EPHA6: variants seen among roughly 807,000 people sequenced by gnomAD.
The protein encoded by EPHA6 is EPH receptor A6.
EPHA6 carries 50 observed loss-of-function variants against 112.0 expected under a neutral mutation model. The observed-to-expected ratio is 0.45, with a 90% CI of 0.36 to 0.56. The LOEUF (loss-of-function observed/expected upper bound fraction) is 0.56, where lower values mean the gene tolerates loss of function less well. Among genes scored for constraint, EPHA6 ranks in the 20% least tolerant of loss-of-function variants. The pLI is 0.00. For synonymous variants in EPHA6, 529 were observed against 490.7 expected, an observed-to-expected ratio of 1.08 and a Z score of -1.03; for missense variants, 1,280 against 1,417.4, an observed-to-expected ratio of 0.90 and a Z score of 1.56.
rs894431982 is a variant in EPHA6, at chr3:97,486,200, C to T, written c.2200+2141C>T. 3.3e-5 allele frequency among the ~76,000 whole-genome samples: 5 copies of T among 152,078 alleles called. No individual in the cohort carries two copies. In the East Asian group the frequency reaches 9.6e-4, roughly 29 times the overall value. The stretch of plus-strand genomic sequence containing the variant: ...TTTGGCAAAGACAGATTATCTAAAC[C>T]ATGTAGTTATTCCTATAGATTGGGG... On this transcript the variant is annotated intron_variant, in intron 10 of 17. Coordinates refer to ENST00000389672, the MANE Select transcript of EPHA6 (RefSeq NM_001080448.3).
At chr3:97,032,512 A>C (rs1354182297) in intron 3 of EPHA6, among the ~76,000 whole-genome samples, 1 of 152,010 alleles carries the variant, frequency 6.6e-6, no homozygotes, top group Non-Finnish European at 1.5e-5. Context: ...CTAGATCCAA[A>C]TATGAGTCAC....
chr3:97,457,700 C>T (rs1362371522), intron 7 of EPHA6, among the ~76,000 whole-genome samples: 1 of 151,982 alleles, frequency 6.6e-6, no homozygotes, highest in East Asian at 1.9e-4. Context: ...ACCATAAAGT[C>T]ACAATACTGA....
intron 12 of EPHA6, among the ~76,000 whole-genome samples, chr3:97,599,179 C>T (rs1252380978): frequency 4.0e-5 from 6 of 150,698 alleles, no homozygotes; most frequent in East Asian, 3.9e-4. Flanking sequence ...CTTTGTCAGA[C>T]GAGTAGGTTG....
rs555712621 is a variant in EPHA6 at position 97,009,875 on chromosome 3, C to T, written c.1114+21882C>T. 2.2e-4 allele frequency: 90 copies of T among 413,468 alleles called. 5 individuals carry two copies. The highest frequency in any genetic ancestry group is 1.5e-3 in the South Asian group (87 of 56,282). The allele number at this position is 413,468 out of a possible 1,614,324, so 25.6% of individuals were successfully genotyped here. On this transcript the variant is annotated intron_variant, in intron 3 of 17. Transcript: ENST00000389672. ...CTTGTGGCTCTCAGGTAGGCCACCACACCACTCTGCTCTTCCTTCTCTCCA... is the reference window on the plus strand; with the variant it reads ...CTTGTGGCTCTCAGGTAGGCCACCATACCACTCTGCTCTTCCTTCTCTCCA...
intron 1 of EPHA6, among the ~76,000 whole-genome samples, chr3:96,830,303 C>T (rs951396135): frequency 4.6e-5 from 7 of 152,040 alleles, no homozygotes; most frequent in African/African-American, 1.7e-4. Context: ...ATTCAGTAGT[C>T]TTTCTCACTA....
chr3:97,096,624 GA>G (rs2047247708), intron 3 of EPHA6, among the ~76,000 whole-genome samples: 1 of 151,748 alleles, frequency 6.6e-6, no homozygotes, highest in Admixed American at 6.6e-5. Context: ...AGACATGGGA[GA>G]AAAAAGTCAG....
intron 1 of EPHA6, among the ~76,000 whole-genome samples, chr3:96,824,994 A>G (rs570142323): frequency 2.1e-4 from 32 of 152,108 alleles, no homozygotes; most frequent in African/African-American, 7.2e-4. Flanking sequence ...TAAACTTTAC[A>G]TACAAATAAG....
rs190579399 is a variant in EPHA6, at chr3:97,498,650, T to C, written c.2200+14591T>C. On this transcript the variant is annotated intron_variant, in intron 10 of 17. Transcript: ENST00000389672. Reference sequence around the variant, plus strand: ...GTACTGGAGATCAGTGGTTCCTTTTTCCTTTACTCTATAACAGTGGTCCTC... The same window carrying C: ...GTACTGGAGATCAGTGGTTCCTTTTCCCTTTACTCTATAACAGTGGTCCTC... Among the ~76,000 whole-genome samples, 520 of 152,300 alleles carry C rather than the reference T, an allele frequency of 3.4e-3. 3 individuals are homozygous for C. The highest frequency in any genetic ancestry group is 0.012 in the African/African-American group (493 of 41,550).
intron 12 of EPHA6, among the ~76,000 whole-genome samples, chr3:97,593,895 A>C (rs1007939036): frequency 1.3e-5 from 2 of 152,168 alleles, no homozygotes; most frequent in Admixed American, 1.3e-4. Context: ...AAAGATTGTA[A>C]ATTTTCACTT....
intron 14 of EPHA6, among the ~76,000 whole-genome samples, chr3:97,641,865 G>C (rs2094009266): frequency 6.6e-6 from 1 of 151,906 alleles, no homozygotes; most frequent in African/African-American, 2.4e-5. Context: ...GCTGGGGGAG[G>C]GGCGCCCGCC....
intron 14 of EPHA6, among the ~76,000 whole-genome samples, chr3:97,710,778 T>C (rs1436788182): frequency 6.6e-6 from 1 of 152,198 alleles, no homozygotes; most frequent in Non-Finnish European, 1.5e-5. Flanking sequence ...ATGCTGCTTG[T>C]CCAAAACAAG....
chr3:97,590,748 TTTG>T (rs1271863956), intron 11 of EPHA6, among the ~76,000 whole-genome samples: 4 of 152,200 alleles, frequency 2.6e-5, no homozygotes. Context: ...AAAATCTGCA[TTTG>T]TTGTCATTAT....
At chr3:96,931,541 C>G (rs938773299) in intron 2 of EPHA6, among the ~76,000 whole-genome samples, 1 of 152,208 alleles carries the variant, frequency 6.6e-6, no homozygotes, top group Non-Finnish European at 1.5e-5. Flanking sequence ...CAGGGTCCCA[C>G]TTAAAGAAGC....
In EPHA6 at chr3:97,165,773, C is replaced by T. The variant is rs1326348106; in HGVS notation, c.1115-60491C>T. On this transcript the variant is annotated intron_variant, in intron 3 of 17. Transcript: ENST00000389672. Reference sequence around the variant, plus strand: ...AAAGTAGAAGAGGTAAGGAGCTTCTCCATATGGGAAGTAGAAGTAAATAAA... The same window carrying T: ...AAAGTAGAAGAGGTAAGGAGCTTCTTCATATGGGAAGTAGAAGTAAATAAA... 3.3e-5 allele frequency among the ~76,000 whole-genome samples: 5 copies of T among 152,182 alleles called. No individual in the cohort carries two copies. The East Asian group carries it at 9.7e-4, about 29-fold the overall frequency.
chr3:97,213,436 A>G (rs2077934904), intron 3 of EPHA6, among the ~76,000 whole-genome samples: 1 of 152,142 alleles, frequency 6.6e-6, no homozygotes, highest in African/African-American at 2.4e-5. Flanking sequence ...TTGCTTGAGG[A>G]CTGGGCAAGA....
At chr3:96,883,473 T>C (rs2037439361) in intron 2 of EPHA6, among the ~76,000 whole-genome samples, 1 of 152,204 alleles carries the variant, frequency 6.6e-6, no homozygotes, top group Admixed American at 6.5e-5. Flanking sequence ...GGGTTCATGG[T>C]CATGAAATCC....
chr3:97,513,459 T>C lies in EPHA6; in HGVS notation c.2201-18899T>C, dbSNP rs1336676009. On this transcript the variant is annotated intron_variant, in intron 10 of 17. Transcript: ENST00000389672. ...GATAAATGGATTTTTTAAAATGTGATGTGGTATATGTACACAATAGAATAC... is the reference window on the plus strand; with the variant it reads ...GATAAATGGATTTTTTAAAATGTGACGTGGTATATGTACACAATAGAATAC... Among the ~76,000 whole-genome samples, 4 of 152,180 alleles carry C rather than the reference T, an allele frequency of 2.6e-5. No homozygotes were observed. The East Asian group carries it at 7.7e-4, about 29-fold the overall frequency.
intron 10 of EPHA6, among the ~76,000 whole-genome samples, chr3:97,492,099 T>C (rs1577563091): frequency 6.6e-6 from 1 of 152,280 alleles, no homozygotes; most frequent in East Asian, 1.9e-4. Flanking sequence ...TCATTATTTT[T>C]TCAAGCTTAA....
chr3:97,035,035 A>G (rs559101505), intron 3 of EPHA6, among the ~76,000 whole-genome samples: 25 of 151,992 alleles, frequency 1.6e-4, no homozygotes, highest in Non-Finnish European at 3.2e-4. Context: ...TTTAAATCCT[A>G]TTCCTTCTTT....
Sources: allele counts gnomAD v4.1 joint callset (sites outside exome capture counted in the v4.1 genomes callset), GRCh38; gene constraint gnomAD v4.1.1; transcripts MANE v1.5; gene names NCBI Gene and HGNC (gene_info 2026-07-23, HGNC 2026-07-21).